Variants in RNGTT observed in about 807,000 individuals in gnomAD.
The protein encoded by RNGTT is mRNA-capping enzyme.
A neutral mutation model predicts 79.3 loss-of-function variants in RNGTT; 33 were observed. The observed-to-expected ratio is 0.42, with a 90% confidence interval of 0.32 to 0.56. The LOEUF (loss-of-function observed/expected upper bound fraction) is 0.56, where lower values mean the gene tolerates loss of function less well. Among genes scored for constraint, RNGTT ranks in the 20% least tolerant of loss-of-function variants. The pLI is 0.17. For missense variants in RNGTT, 497 were observed against 739.1 expected (o/e 0.67, Z 3.80); for synonymous variants, 222 against 235.9 (o/e 0.94, Z 0.54).
rs78555968 is a variant in RNGTT, at chr6:88,749,781, C to T, written c.1439+19993G>A. Among the ~76,000 whole-genome samples, 1,305 of 152,178 alleles carry T rather than the reference C, an allele frequency of 8.6e-3. 18 individuals carry two copies. Among genetic ancestry groups the T allele is most frequent in the African/African-American group, 0.029 (1,216 of 41,520 alleles). On this transcript the variant is annotated intron_variant, in intron 13 of 15. Transcript: ENST00000369485. Reference sequence around the variant, plus strand: ...TCATAGCAAACCACAACAAAGTGGACGGCTTAAAACAACAAAAATTTATTA... The same window carrying T: ...TCATAGCAAACCACAACAAAGTGGATGGCTTAAAACAACAAAAATTTATTA...
intron 11 of RNGTT, among the ~76,000 whole-genome samples, chr6:88,830,496 C>T (rs994245334): frequency 1.3e-5 from 2 of 151,796 alleles, no homozygotes; most frequent in African/African-American, 4.8e-5. Flanking sequence ...AATCAACACC[C>T]TAACATCACA....
chr6:88,624,347 T>C (rs576290175), intron 14 of RNGTT, among the ~76,000 whole-genome samples: 108 of 152,038 alleles, frequency 7.1e-4, no homozygotes, highest in African/African-American at 2.4e-3. Context: ...GCTATAGTTA[T>C]CAAGACAGTG....
At chr6:88,678,169 C>T in intron 14 of RNGTT, 184 bp downstream of exon 14, 7 of 1,216,696 alleles carry the variant, frequency 5.8e-6, no homozygotes, top group Non-Finnish European at 7.2e-6. Flanking sequence ...AAAAATTTTT[C>T]TTTTTGTAGA....
chr6:88,629,692 T>TC (rs1418417287), intron 14 of RNGTT, among the ~76,000 whole-genome samples: 2 of 152,178 alleles, frequency 1.3e-5, no homozygotes, highest in Non-Finnish European at 2.9e-5. Flanking sequence ...TTTCAGAGGA[T>TC]CTATTCTAAA....
chr6:88,907,028 T>C (rs1471397599), intron 4 of RNGTT, among the ~76,000 whole-genome samples: 2 of 152,318 alleles, frequency 1.3e-5, no homozygotes, highest in East Asian at 1.9e-4. Flanking sequence ...TATAGTACAA[T>C]AAAAATTAAG....
chr6:88,735,398 G>A (rs1777250724), intron 13 of RNGTT, among the ~76,000 whole-genome samples: 1 of 151,866 alleles, frequency 6.6e-6, no homozygotes, highest in African/African-American at 2.4e-5. Context: ...AAACTCTCAT[G>A]GAACATTCTA....
chr6:88,798,606 G>T (rs1779680287), intron 12 of RNGTT, among the ~76,000 whole-genome samples: 1 of 152,182 alleles, frequency 6.6e-6, no homozygotes, highest in African/African-American at 2.4e-5. Context: ...GGAATGCAAG[G>T]ATGGGTCAAC....
At chr6:88,712,814 A>G (rs1466332348) in intron 13 of RNGTT, among the ~76,000 whole-genome samples, 1 of 152,102 alleles carries the variant, frequency 6.6e-6, no homozygotes, top group African/African-American at 2.4e-5. Context: ...GAGTGCAAAA[A>G]GAGAATCTCA....
At chr6:88,795,718 A>G (rs1779579778) in intron 12 of RNGTT, among the ~76,000 whole-genome samples, 1 of 152,168 alleles carries the variant, frequency 6.6e-6, no homozygotes, top group Admixed American at 6.5e-5. Flanking sequence ...AAGCAAACAA[A>G]CAAACAAAAA....
chr6:88,943,240 A>C (rs12055577), intron 1 of RNGTT, among the ~76,000 whole-genome samples: 1 of 152,008 alleles, frequency 6.6e-6, no homozygotes, highest in Admixed American at 6.5e-5. Flanking sequence ...CCAAATCTCA[A>C]CTCTTAATAC....
intron 14 of RNGTT, among the ~76,000 whole-genome samples, chr6:88,635,254 G>T (rs375154748): frequency 6.6e-6 from 1 of 152,006 alleles, no homozygotes; most frequent in African/African-American, 2.4e-5. Context: ...ATGTATATGC[G>T]ATGTTTATGT....
chr6:88,803,148 G>C (rs1158265192), intron 11 of RNGTT, among the ~76,000 whole-genome samples: 2 of 152,032 alleles, frequency 1.3e-5, no homozygotes, highest in African/African-American at 4.8e-5. Context: ...CTAAACTGAG[G>C]GCAGTTCAAA....
At chr6:88,756,930 C>T (rs780684471) in intron 13 of RNGTT, among the ~76,000 whole-genome samples, 10 of 152,042 alleles carry the variant, frequency 6.6e-5, no homozygotes, top group Non-Finnish European at 1.2e-4. Flanking sequence ...ACTCTTGTAT[C>T]CTCAGACTAA....
At chr6:88,649,333 G>C (rs1562170379) in intron 14 of RNGTT, among the ~76,000 whole-genome samples, 1 of 152,240 alleles carries the variant, frequency 6.6e-6, no homozygotes, top group East Asian at 1.9e-4. Flanking sequence ...ATGATGAAAG[G>C]AATTTATGTT....
At chr6:88,687,222 A>T (rs1220169435) in intron 13 of RNGTT, among the ~76,000 whole-genome samples, 1 of 152,220 alleles carries the variant, frequency 6.6e-6, no homozygotes, top group Non-Finnish European at 1.5e-5. Context: ...AATGCAAATT[A>T]AAACAACACT....
intron 4 of RNGTT, among the ~76,000 whole-genome samples, chr6:88,912,589 G>C (rs1390646437): frequency 6.6e-6 from 1 of 151,982 alleles, no homozygotes; most frequent in Admixed American, 6.6e-5. Flanking sequence ...ACCATATAGT[G>C]AAATGAAAAG....
At chr6:88,776,665 A>G (rs1444427896) in intron 12 of RNGTT, among the ~76,000 whole-genome samples, 1 of 16,556 alleles carries the variant, frequency 6.0e-5, no homozygotes, top group Non-Finnish European at 1.3e-4. Context: ...GCTTCTTTGG[A>G]AAAAAAAAAA....
At chr6:88,877,831 G>A (rs1476946174) in intron 8 of RNGTT, among the ~76,000 whole-genome samples, 1 of 152,074 alleles carries the variant, frequency 6.6e-6, no homozygotes, top group African/African-American at 2.4e-5. Flanking sequence ...AGAAACACAG[G>A]AGCTTTATTG....
chr6:88,640,643 G>T (rs528183910), intron 14 of RNGTT, among the ~76,000 whole-genome samples: 1 of 151,822 alleles, frequency 6.6e-6, no homozygotes, highest in South Asian at 2.1e-4. Flanking sequence ...CCAGTAGGCA[G>T]CTGAAGATTC....
Sources: allele counts gnomAD v4.1 joint callset (sites outside exome capture counted in the v4.1 genomes callset), GRCh38; gene constraint gnomAD v4.1.1; transcripts MANE v1.5; gene names NCBI Gene and HGNC (gene_info 2026-07-23, HGNC 2026-07-21).